The following NALF1 variants were observed in gnomAD, a reference collection of about 807,000 sequenced individuals.
NALF1 encodes family with sequence similarity 155 member A.
NALF1 carries 3 observed loss-of-function variants against 48.4 expected under a neutral mutation model. That is an observed-to-expected ratio of 0.06 (90% confidence interval 0.03 to 0.16). The LOEUF is 0.16. Ranked by LOEUF, NALF1 falls within the 10% of genes least tolerant of loss-of-function variation. The pLI is 1.00. For missense variants in NALF1, 526 were observed against 571.5 expected, an observed-to-expected ratio of 0.92 and a Z score of 0.81; for synonymous variants, 262 against 245.7, an observed-to-expected ratio of 1.07 and a Z score of -0.62.
At chr13:107,252,186 G>A (rs561284904) in intron 1 of NALF1, among the ~76,000 whole-genome samples, 5 of 152,294 alleles carry the variant, frequency 3.3e-5, no homozygotes, top group Non-Finnish European at 5.9e-5. Context: ...GCCCAGTCAC[G>A]TGGTGTGATT....
Position 107,306,862 on chromosome 13 carries a change from G to A in NALF1, c.916-96107C>T, listed in dbSNP as rs756003802. On this transcript the variant is annotated intron_variant, in intron 1 of 2. Transcript: ENST00000375915. ...TGCCTGTAGTCTCAGCTACTTTGGA[G>A]GCTGAGATGGGAGAATGGCTTGAGC... 1.6e-4 allele frequency among the ~76,000 whole-genome samples: 24 copies of A among 152,268 alleles called. 1 individual carries two copies. Among genetic ancestry groups the A allele is most frequent in the Middle Eastern group, 3.4e-3 (1 of 294 alleles).
chr13:107,642,130 A>C (rs1017203138), intron 1 of NALF1, among the ~76,000 whole-genome samples: 1 of 152,148 alleles, frequency 6.6e-6, no homozygotes, highest in Non-Finnish European at 1.5e-5. Context: ...ATCTTAATAC[A>C]ATCCCCAGGC....
intron 1 of NALF1, among the ~76,000 whole-genome samples, chr13:107,747,995 T>C (rs1876832325): frequency 6.6e-6 from 1 of 152,214 alleles, no homozygotes; most frequent in Admixed American, 6.5e-5. Flanking sequence ...GTAAGTAAAC[T>C]ATTTATAACT....
intron 1 of NALF1, among the ~76,000 whole-genome samples, chr13:107,772,609 C>G (rs2138571385): frequency 6.6e-6 from 1 of 152,036 alleles, no homozygotes; most frequent in Non-Finnish European, 1.5e-5. Flanking sequence ...CTAAATTAGC[C>G]ATTGTGAGAT....
intron 1 of NALF1, among the ~76,000 whole-genome samples, chr13:107,660,328 G>A (rs887778080): frequency 2.0e-5 from 3 of 150,906 alleles, no homozygotes; most frequent in African/African-American, 4.9e-5. Context: ...CCAGCCACTC[G>A]GGAGGCTGAG....
intron 1 of NALF1, among the ~76,000 whole-genome samples, chr13:107,811,895 A>G (rs1327775343): frequency 5.3e-5 from 8 of 152,318 alleles, no homozygotes; most frequent in African/African-American, 1.9e-4. Flanking sequence ...AGTTTCCAGC[A>G]CATTAACTTT....
intron 1 of NALF1, among the ~76,000 whole-genome samples, chr13:107,694,125 C>T (rs1359609588): frequency 2.6e-5 from 4 of 152,138 alleles, no homozygotes; most frequent in African/African-American, 9.7e-5. Context: ...GGAAGCAGTA[C>T]TTGTTAGAAA....
chr13:107,207,990 G>C (rs1389740318), intron 2 of NALF1, among the ~76,000 whole-genome samples: 1 of 152,174 alleles, frequency 6.6e-6, no homozygotes, highest in Non-Finnish European at 1.5e-5. Flanking sequence ...TGTAACCGAT[G>C]ATGGGAAATG....
At chr13:107,348,333 C>G (rs935552490) in intron 1 of NALF1, among the ~76,000 whole-genome samples, 2 of 152,014 alleles carry the variant, frequency 1.3e-5, no homozygotes. Flanking sequence ...AAAAGTGTTA[C>G]GTTCACTCGG....
intron 1 of NALF1, among the ~76,000 whole-genome samples, chr13:107,745,103 G>A (rs777254251): frequency 1.3e-5 from 2 of 152,194 alleles, no homozygotes; most frequent in Non-Finnish European, 1.5e-5. Context: ...GGTGAGGAAG[G>A]TCTGTAGCAC....
At chr13:107,378,287 A>T (rs1475871099) in intron 1 of NALF1, among the ~76,000 whole-genome samples, 1 of 152,180 alleles carries the variant, frequency 6.6e-6, no homozygotes, top group African/African-American at 2.4e-5. Flanking sequence ...AAGAAATATC[A>T]CTAATGCCAA....
At chr13:107,192,345 G>A (rs1363486257) in intron 2 of NALF1, among the ~76,000 whole-genome samples, 1 of 152,142 alleles carries the variant, frequency 6.6e-6, no homozygotes, top group Non-Finnish European at 1.5e-5. Flanking sequence ...AGCTGAGTGT[G>A]TCTGGGCCGC....
At chr13:107,381,480 G>A (rs1248410064) in intron 1 of NALF1, among the ~76,000 whole-genome samples, 5 of 152,032 alleles carry the variant, frequency 3.3e-5, no homozygotes, top group South Asian at 2.1e-4. Flanking sequence ...ATAGATGTGA[G>A]CCACCACACC....
intron 1 of NALF1, among the ~76,000 whole-genome samples, chr13:107,841,510 T>C: frequency 6.6e-6 from 1 of 152,146 alleles, no homozygotes; most frequent in East Asian, 1.9e-4. Flanking sequence ...TGGAATAATG[T>C]AAATAAATAT....
chr13:107,528,893 T>C (rs1386443236), intron 1 of NALF1, among the ~76,000 whole-genome samples: 2 of 152,038 alleles, frequency 1.3e-5, no homozygotes, highest in Non-Finnish European at 2.9e-5. Context: ...AAAAGCACAA[T>C]GAAATCTTTT....
At chr13:107,506,242 TTTAAG>T (rs1225494270) in intron 1 of NALF1, among the ~76,000 whole-genome samples, 1 of 152,154 alleles carries the variant, frequency 6.6e-6, no homozygotes, top group Non-Finnish European at 1.5e-5. Flanking sequence ...CAGAAAGGCC[TTTAAG>T]TAGTATTAAT....
chr13:107,793,682 G>C (rs1220691559), intron 1 of NALF1, among the ~76,000 whole-genome samples: 1 of 152,042 alleles, frequency 6.6e-6, no homozygotes, highest in East Asian at 1.9e-4. Flanking sequence ...TCATAAGTTT[G>C]AGTCAGAACT....
rs535416397 is a variant in NALF1, at chr13:107,765,852, C to T, written c.915+99830G>A. On this transcript the variant is annotated intron_variant, in intron 1 of 2. Coordinates refer to ENST00000375915, the MANE Select transcript of NALF1 (RefSeq NM_001080396.3). ...TGAAGGGAATAAAGTATTTAGAAAA[C>T]GCCTACTATTAAACTTTTATAAATA... 8.5e-4 allele frequency among the ~76,000 whole-genome samples: 130 copies of T among 152,210 alleles called. 1 individual carries two copies. The highest frequency in any genetic ancestry group is 1.5e-3 in the Non-Finnish European group (100 of 67,998).
intron 1 of NALF1, among the ~76,000 whole-genome samples, chr13:107,727,131 G>C (rs992421798): frequency 6.6e-6 from 1 of 151,940 alleles, no homozygotes; most frequent in Non-Finnish European, 1.5e-5. Context: ...TGGTAGTAAA[G>C]GATATCGCAT....
Sources: allele counts gnomAD v4.1 joint callset (sites outside exome capture counted in the v4.1 genomes callset), GRCh38; gene constraint gnomAD v4.1.1; transcripts MANE v1.5; gene names NCBI Gene and HGNC (gene_info 2026-07-23, HGNC 2026-07-21).